Variants in ANTXRL observed in about 807,000 individuals in gnomAD.
ANTXRL encodes the protein ANTXR like, also known as anthrax toxin receptor-like.
ANTXRL carries 63 observed loss-of-function variants against 75.4 expected under a neutral mutation model. The observed-to-expected ratio is 0.84, with a 90% confidence interval of 0.68 to 1.03. ANTXRL has a LOEUF of 1.03. ANTXRL is among the 50% of genes least tolerant of loss of function. The pLI, the probability that ANTXRL is intolerant of heterozygous loss-of-function variation, is 0.00. For synonymous variants in ANTXRL, 335 were observed against 291.3 expected, an observed-to-expected ratio of 1.15 and a Z score of -1.53; for missense variants, 797 against 789.4, an observed-to-expected ratio of 1.01 and a Z score of -0.12.
At chr10:46,313,030 T>C (rs1275198624) in intron 15 of ANTXRL, among the ~76,000 whole-genome samples, 2 of 152,158 alleles carry the variant, frequency 1.3e-5, no homozygotes, top group African/African-American at 4.8e-5. Context: ...CAAAATACTG[T>C]TTTGTTCTAG....
chr10:46,326,251 C>T (rs1262681662), intron 16 of ANTXRL, among the ~76,000 whole-genome samples: 4 of 151,996 alleles, frequency 2.6e-5, no homozygotes, highest in African/African-American at 7.3e-5. Context: ...CACCCCTGCC[C>T]TCACCCAGCA....
chr10:46,313,146 C>A (rs1588851114), intron 15 of ANTXRL, 90 bp from the exon 16 acceptor site: 3 of 1,181,790 alleles, frequency 2.5e-6, no homozygotes, highest in East Asian at 2.6e-5. Context: ...TTTTCCTGGG[C>A]ACAGAGCTGT....
intron 16 of ANTXRL, among the ~76,000 whole-genome samples, chr10:46,322,234 T>C (rs1213923692): frequency 6.6e-6 from 1 of 151,952 alleles, no homozygotes; most frequent in Non-Finnish European, 1.5e-5. Context: ...AAAAGGAAGG[T>C]GGATCACAAG....
At chr10:46,325,276 C>G (rs1839160230) in intron 16 of ANTXRL, among the ~76,000 whole-genome samples, 1 of 152,124 alleles carries the variant, frequency 6.6e-6, no homozygotes, top group South Asian at 2.1e-4. Flanking sequence ...AGACAAAAGT[C>G]AACAATCTCC....
intron 14 of ANTXRL, 82 bp from the exon 15 acceptor site, chr10:46,311,428 C>A: frequency 7.1e-7 from 1 of 1,415,030 alleles, no homozygotes; most frequent in East Asian, 2.7e-5. Flanking sequence ...CTGGTCCTTT[C>A]ATTCCCCAGA....
intron 16 of ANTXRL, among the ~76,000 whole-genome samples, chr10:46,327,359 G>A (rs1161750150): frequency 8.5e-5 from 13 of 152,084 alleles, no homozygotes; most frequent in African/African-American, 3.1e-4. Flanking sequence ...TAGATTTGGG[G>A]ATGGGTGGAG....
intron 2 of ANTXRL, chr10:46,292,784 A>C (rs1266085367): frequency 6.5e-6 from 1 of 153,332 alleles, no homozygotes; most frequent in Non-Finnish European, 1.5e-5. Context: ...GATGGCACTT[A>C]AGGAAGAAAA....
intron 10 of ANTXRL, among the ~76,000 whole-genome samples, chr10:46,304,898 G>A (rs1837978523): frequency 6.6e-6 from 1 of 152,110 alleles, no homozygotes; most frequent in Admixed American, 6.5e-5. Flanking sequence ...TGGGTGTACT[G>A]GCTTCCCACC....
intron 12 of ANTXRL, chr10:46,308,627 C>T: frequency 2.8e-6 from 1 of 354,418 alleles, no homozygotes; most frequent in Non-Finnish European, 5.6e-6. Context: ...CTAAACCTCA[C>T]AAGTGCCCCC....
chr10:46,289,084 C>T (rs1336533558), intron 1 of ANTXRL, among the ~76,000 whole-genome samples: 5 of 152,156 alleles, frequency 3.3e-5, no homozygotes, highest in Non-Finnish European at 7.3e-5. Flanking sequence ...CCCTGAGAAA[C>T]TTGCGGTAAT....
At chr10:46,289,230 G>C (rs12781108) in intron 1 of ANTXRL, among the ~76,000 whole-genome samples, 1 of 152,126 alleles carries the variant, frequency 6.6e-6, no homozygotes, top group Non-Finnish European at 1.5e-5. Context: ...CCTCCCATGC[G>C]CTCCTATTCT....
intron 2 of ANTXRL, among the ~76,000 whole-genome samples, chr10:46,293,490 TTGTG>T (rs1588791146): frequency 7.1e-6 from 1 of 140,258 alleles, no homozygotes; most frequent in Non-Finnish European, 1.6e-5. Flanking sequence ...GTGTGGGTGT[TTGTG>T]TGGTGTGTGC....
intron 1 of ANTXRL, among the ~76,000 whole-genome samples, chr10:46,288,785 C>T (rs1588776070): frequency 6.6e-6 from 1 of 152,214 alleles, no homozygotes; most frequent in Non-Finnish European, 1.5e-5. Flanking sequence ...AGGCTAGAAA[C>T]TCACAGGAAC....
In ANTXRL at chr10:46,329,635, T is replaced by C; in HGVS notation, c.1447T>C (p.Tyr483His). 2 of 1,536,420 alleles carry C rather than the reference T, an allele frequency of 1.3e-6. No individual in the cohort carries two copies. Among genetic ancestry groups the C allele is most frequent in the Non-Finnish European group, 1.7e-6 (2 of 1,146,824 alleles). Residue 483 changes from tyrosine to histidine, a missense_variant, in exon 17 of 17, where the codon TAT becomes CAT. Tyr to His is a moderately conservative substitution (Grantham distance 83). This residue lies in a region of ANTXRL where 479 missense variants were observed against 422.0 expected (regional missense o/e 1.14). Coordinates refer to ENST00000620264, the MANE Select transcript of ANTXRL (RefSeq NM_001278688.3). Reference sequence around the variant, plus strand: ...CAGCTTAGCCCTTGCACAGTCCCAATATGCACAGGCTCCCTGCTGCCCAAG... The same window carrying C: ...CAGCTTAGCCCTTGCACAGTCCCAACATGCACAGGCTCCCTGCTGCCCAAG... Reference protein sequence around the residue: ...YLSLALAQSQYAQAPCCPRIC... With the variant: ...YLSLALAQSQHAQAPCCPRIC...
At chr10:46,317,434 G>A (rs1838787592) in intron 16 of ANTXRL, among the ~76,000 whole-genome samples, 1 of 152,174 alleles carries the variant, frequency 6.6e-6, no homozygotes, top group Non-Finnish European at 1.5e-5. Flanking sequence ...GTTGTTCTGG[G>A]TAACAATTGG....
At chr10:46,289,234 C>T (rs57505614) in intron 1 of ANTXRL, among the ~76,000 whole-genome samples, 5,073 of 152,220 alleles carry the variant, frequency 0.033, 186 homozygotes, top group East Asian at 0.12. Flanking sequence ...CCATGCGCTC[C>T]TATTCTTGGC....
intron 10 of ANTXRL, 89 bp downstream of exon 10, chr10:46,302,909 CA>C: frequency 9.4e-7 from 1 of 1,058,940 alleles, no homozygotes; most frequent in Non-Finnish European, 1.4e-6. Context: ...CAGCCCTTGC[CA>C]ACCATTCCCT....
chr10:46,309,046 C>T, intron 12 of ANTXRL, 67 bp from the exon 13 acceptor site: 1 of 1,532,716 alleles, frequency 6.5e-7, no homozygotes, highest in Non-Finnish European at 8.7e-7. Flanking sequence ...GGCAGATGGG[C>T]CACCAAGTGG....
rs186006237 is a variant in ANTXRL, at chr10:46,314,365, T to C, written c.1410+1049T>C. 1.3e-3 allele frequency among the ~76,000 whole-genome samples: 202 copies of C among 152,174 alleles called. 2 individuals are homozygous for C. The highest frequency in any genetic ancestry group is 4.6e-3 in the African/African-American group (189 of 41,502). ...AGCCCACTTTCCATCCGAGGTCCCA[T>C]AAGGCCTCTCCACGTTGCTACAGCC... On this transcript the variant is annotated intron_variant, in intron 16 of 16. Coordinates refer to ENST00000620264, the MANE Select transcript of ANTXRL (RefSeq NM_001278688.3).
Sources: gnomAD v4.1 joint callset for allele counts (sites outside exome capture counted in the v4.1 genomes callset) on GRCh38, gnomAD v4.1.1 for gene constraint, gnomAD v4.1.1 regional missense constraint, MANE v1.5 for transcripts, NCBI Gene and HGNC (gene_info 2026-07-23, HGNC 2026-07-21) for gene names.